The following TIAM2 variants were observed in gnomAD, a reference collection of about 807,000 sequenced individuals.
TIAM2 encodes the protein rho guanine nucleotide exchange factor TIAM2.
Under a neutral mutation model 152.9 loss-of-function variants are expected in TIAM2, and 80 were observed. That is an observed-to-expected ratio of 0.52 (90% CI 0.44 to 0.63). The LOEUF is 0.63. Ranked by LOEUF, TIAM2 falls within the 30% of genes least tolerant of loss-of-function variation. The pLI is 0.00. For synonymous variants in TIAM2, 804 were observed against 838.0 expected (o/e 0.96, Z 0.70); for missense variants, 1,965 against 2,120.1 (o/e 0.93, Z 1.44).
intron 1 of TIAM2, among the ~76,000 whole-genome samples, chr6:155,085,861 A>G (rs529181344): frequency 6.6e-6 from 1 of 152,358 alleles, no homozygotes; most frequent in Non-Finnish European, 1.5e-5. Flanking sequence ...GAGAGATACA[A>G]GCACTCTTTG....
chr6:155,163,554 A>T (rs1269947692), intron 7 of TIAM2, among the ~76,000 whole-genome samples: 1 of 152,162 alleles, frequency 6.6e-6, no homozygotes, highest in Non-Finnish European at 1.5e-5. Context: ...TTTTATTTAG[A>T]TGTACAGATG....
intron 2 of TIAM2, among the ~76,000 whole-genome samples, chr6:155,115,634 T>C (rs1458865607): frequency 6.6e-6 from 1 of 151,968 alleles, no homozygotes; most frequent in Non-Finnish European, 1.5e-5. Context: ...GCCTGCGTGA[T>C]AGAGCAAGAC....
At chr6:155,125,907 A>C (rs370773951) in intron 2 of TIAM2, among the ~76,000 whole-genome samples, 33 of 152,308 alleles carry the variant, frequency 2.2e-4, no homozygotes, top group Non-Finnish European at 2.6e-4. Context: ...GACAATAAAT[A>C]GTTTATTTTC....
rs1187782318 is a variant in TIAM2 at position 155,164,661 on chromosome 6, T to C, written c.2214+61T>C. On this transcript the variant is annotated intron_variant, in intron 8 of 26. Coordinates refer to ENST00000682666, the MANE Select transcript of TIAM2 (RefSeq NM_012454.4). ...GGGGAGGGCTGCGGATGCTCCCCCT[T>C]TCTTCAGCTTGTTGCCATCGGCACT... The C allele has an allele frequency of 1.6e-5, 25 of 1,541,992 alleles. No homozygotes were observed. The Admixed American group carries it at 2.5e-4, about 15-fold the overall frequency.
intron 3 of TIAM2, among the ~76,000 whole-genome samples, chr6:155,128,645 A>C (rs1779354783): frequency 6.6e-6 from 1 of 151,532 alleles, no homozygotes. Context: ...GGATCTCTTG[A>C]GCCCAGGAGT....
rs763125255 is a variant in TIAM2, at chr6:155,129,882, C to G, written c.659C>G (p.Ala220Gly). Residue 220 changes from alanine to glycine, a missense_variant, in exon 4 of 27, where the codon GCC becomes GGC. Transcript: ENST00000682666. The surrounding 1 kb of genome is among the most constrained non-coding windows in gnomAD (Gnocchi z 4.8). Reference sequence around the variant, plus strand: ...CCTGAAGCCAGGAGGGGGTCCAGCGCCGATTCCCTGCCCAGCCATCGCCCC... The same window carrying G: ...CCTGAAGCCAGGAGGGGGTCCAGCGGCGATTCCCTGCCCAGCCATCGCCCC... Reference protein sequence around the residue: ...PVPEARRGSSADSLPSHRPSP... With the variant: ...PVPEARRGSSGDSLPSHRPSP... 1 of 1,613,788 alleles carries G rather than the reference C, an allele frequency of 6.2e-7. No individual in the cohort carries two copies. Among genetic ancestry groups the G allele is most frequent in the South Asian group, 1.1e-5 (1 of 91,092 alleles).
At chr6:155,141,288 T>G (rs13212807) in intron 5 of TIAM2, among the ~76,000 whole-genome samples, 1,577 of 152,304 alleles carry the variant, frequency 0.01, 12 homozygotes, top group Non-Finnish European at 0.018. Flanking sequence ...ACCTCTTTCC[T>G]CTGGGAATTC....
chr6:155,185,801 A>C (rs73795344), intron 14 of TIAM2, among the ~76,000 whole-genome samples: 13,554 of 152,046 alleles, frequency 0.089, 815 homozygotes, highest in African/African-American at 0.17. Context: ...TGGGTGTGAC[A>C]GTCTCCCAGG....
Position 155,004,640 on chromosome 6 carries a change from C to T in TIAM2, c.-209+9148C>T, listed in dbSNP as rs550147614. 1.3e-3 allele frequency among the ~76,000 whole-genome samples: 199 copies of T among 152,062 alleles called. 1 individual carries two copies. The highest frequency in any genetic ancestry group is 4.4e-3 in the African/African-American group (184 of 41,488). ...CAATCTCCTGACCTTGTGATCTGCC[C>T]GCCTCGGTCTCCCAAAGTGCTGGGA... is the stretch of plus-strand genomic sequence containing the variant. On this transcript the variant is annotated intron_variant, in intron 1 of 26. Transcript: ENST00000682666.
intron 2 of TIAM2, among the ~76,000 whole-genome samples, chr6:155,105,464 A>G (rs917967019): frequency 1.3e-5 from 2 of 151,218 alleles, no homozygotes; most frequent in Admixed American, 6.6e-5. Context: ...TAATTTTTTT[A>G]TTTTTACTTT....
intron 15 of TIAM2, among the ~76,000 whole-genome samples, chr6:155,228,773 G>T (rs1464118978): frequency 6.6e-6 from 1 of 151,976 alleles, no homozygotes; most frequent in Non-Finnish European, 1.5e-5. Flanking sequence ...CAGAAGGCAG[G>T]CAGCGAGGAC....
rs747458518 is a variant in TIAM2, at chr6:155,248,039, G to A, written c.3692G>A (p.Arg1231Gln). 25 of 1,614,054 alleles carry A rather than the reference G, an allele frequency of 1.5e-5. No individual in the cohort carries two copies. The highest frequency in any genetic ancestry group is 1.6e-4 in the Middle Eastern group (1 of 6,084). The change falls in exon 20 of 27, where the codon CGG (arginine) becomes CAG (glutamine). Residue 1231 changes from arginine (R) to glutamine (Q), a missense_variant. Transcript: ENST00000682666. ...GCCTTCAAGGCTTTTCTGGACGCCC[G>A]GAACCCCACCAAGCAGCATTCCTCC... Reference protein sequence around the residue: ...DKAFKAFLDARNPTKQHSSTL... With the variant: ...DKAFKAFLDAQNPTKQHSSTL...
intron 15 of TIAM2, among the ~76,000 whole-genome samples, chr6:155,235,471 C>T (rs1356922756): frequency 2.0e-5 from 3 of 152,188 alleles, no homozygotes; most frequent in Non-Finnish European, 4.4e-5. Flanking sequence ...AATCACTATT[C>T]CTATAAAGTG....
chr6:155,030,673 CTCCTG>C (rs1467260234), intron 1 of TIAM2, among the ~76,000 whole-genome samples: 3 of 152,148 alleles, frequency 2.0e-5, no homozygotes, highest in African/African-American at 7.2e-5. Context: ...CTCCGTCTTG[CTCCTG>C]TGGAATAATA....
At chr6:155,207,955 A>T (rs1207925588) in intron 14 of TIAM2, among the ~76,000 whole-genome samples, 1 of 152,094 alleles carries the variant, frequency 6.6e-6, no homozygotes, top group Admixed American at 6.5e-5. Flanking sequence ...CCCGCTTTTG[A>T]CATCAGCCAT....
intron 7 of TIAM2, among the ~76,000 whole-genome samples, chr6:155,153,298 C>T (rs1340444715): frequency 6.6e-6 from 1 of 152,024 alleles, no homozygotes; most frequent in Non-Finnish European, 1.5e-5. Flanking sequence ...TGGTAACAGA[C>T]AATTGGGATT....
At chr6:155,089,918 TCATC>T (rs1182674817) in intron 1 of TIAM2, among the ~76,000 whole-genome samples, 2 of 152,046 alleles carry the variant, frequency 1.3e-5, no homozygotes, top group African/African-American at 4.8e-5. Context: ...TGTCTGTCAA[TCATC>T]CATCCATCCA....
At chr6:155,090,463 C>G (rs550379149) in intron 2 of TIAM2, 84 bp downstream of exon 2, 1 of 152,178 alleles carries the variant, frequency 6.6e-6, no homozygotes, top group Admixed American at 6.5e-5. Context: ...CACATTCTCA[C>G]GTAGCTCTGT....
chr6:155,108,613 GCCCTCTCATTA>G (rs1778755222), intron 2 of TIAM2, among the ~76,000 whole-genome samples: 1 of 152,150 alleles, frequency 6.6e-6, no homozygotes, highest in Non-Finnish European at 1.5e-5. Flanking sequence ...ACTTTCCAAA[GCCCTCTCATTA>G]GATCAGGCCT....
Sources: gnomAD v4.1 joint callset for allele counts (sites outside exome capture counted in the v4.1 genomes callset) on GRCh38, gnomAD v4.1.1 for gene constraint, Gnocchi (gnomAD v3.1) non-coding constraint, MANE v1.5 for transcripts, NCBI Gene and HGNC (gene_info 2026-07-23, HGNC 2026-07-21) for gene names.